The following SH3D19 variants were observed in gnomAD, a reference collection of about 807,000 sequenced individuals.
The protein encoded by SH3D19 is SH3 domain containing 19, also known as SH3 domain-containing protein 19.
Under a neutral mutation model 112.1 loss-of-function variants are expected in SH3D19, and 58 were observed. The observed-to-expected ratio is 0.52, with a 90% CI of 0.42 to 0.64. The LOEUF (loss-of-function observed/expected upper bound fraction) is 0.64. Among genes scored for constraint, SH3D19 ranks in the 30% least tolerant of loss-of-function variants. The probability of loss-of-function intolerance (pLI) is 0.00; values close to 1 mark genes in which losing one functional copy is unlikely to be tolerated. For missense variants in SH3D19, 1,090 were observed against 1,263.4 expected (o/e 0.86, Z 2.08); for synonymous variants, 391 against 448.5 (o/e 0.87, Z 1.62).
chr4:151,144,070 T>C lies in SH3D19; in HGVS notation c.2083-20A>G. 1 of 1,597,392 alleles carries C rather than the reference T, an allele frequency of 6.3e-7. No homozygotes were observed. The highest frequency in any genetic ancestry group is 8.5e-7 in the Non-Finnish European group (1 of 1,174,028). On this transcript the variant is annotated intron_variant, in intron 11 of 19. Coordinates refer to ENST00000604030, the MANE Select transcript of SH3D19 (RefSeq NM_001378122.1). ...CCCACGCTGCAAGGTACAATACCAC[T>C]CTCTGAAGCAATTATTATTTAATAA...
At chr4:151,143,773 G>C in intron 12 of SH3D19, 137 bp downstream of exon 12, 1 of 951,404 alleles carries the variant, frequency 1.1e-6, no homozygotes, top group Non-Finnish European at 1.5e-6. Flanking sequence ...TCTAAAAGTA[G>C]AATAAATGCT....
In SH3D19 at chr4:151,306,224, T is replaced by C. The variant is rs1580456147; in HGVS notation, c.112+19017A>G. Among the ~76,000 whole-genome samples, 3 of 152,300 alleles carry C rather than the reference T, an allele frequency of 2.0e-5. No homozygotes were observed. The South Asian group carries it at 6.2e-4, about 32-fold the overall frequency. On this transcript the variant is annotated intron_variant, in intron 1 of 19. Transcript: ENST00000604030. ...ATGGTAGTTGCCACAAGAAACTACA[T>C]GTGTAATAAAATTCATAGAACTGTT...
At chr4:151,275,946 G>A (rs999332725) in intron 1 of SH3D19, among the ~76,000 whole-genome samples, 6 of 151,096 alleles carry the variant, frequency 4.0e-5, no homozygotes, top group Non-Finnish European at 8.9e-5. Flanking sequence ...GGGTTCAAGC[G>A]ATTCTCCTGC....
chr4:151,240,693 G>A (rs1770483315), intron 1 of SH3D19, among the ~76,000 whole-genome samples: 1 of 151,956 alleles, frequency 6.6e-6, no homozygotes, highest in African/African-American at 2.4e-5. Flanking sequence ...GCTGCTGGTA[G>A]GAATGTAAAA....
chr4:151,257,542 T>A (rs1346357940), intron 1 of SH3D19, among the ~76,000 whole-genome samples: 20 of 152,084 alleles, frequency 1.3e-4, no homozygotes, highest in Admixed American at 1.3e-3. Context: ...TATTAAAGGG[T>A]CTCAACAACT....
At chr4:151,156,257 T>G (rs955040302) in intron 9 of SH3D19, among the ~76,000 whole-genome samples, 2 of 151,862 alleles carry the variant, frequency 1.3e-5, no homozygotes, top group African/African-American at 4.8e-5. Context: ...CCCAAAGAAA[T>G]CTACAGATTC....
chr4:151,177,283 G>T (rs1004391026), intron 4 of SH3D19, among the ~76,000 whole-genome samples: 2 of 152,150 alleles, frequency 1.3e-5, no homozygotes, highest in Non-Finnish European at 2.9e-5. Flanking sequence ...CTAGCCTTAG[G>T]GCAAACATAC....
At chr4:151,212,704 A>G (rs1011830474) in intron 2 of SH3D19, among the ~76,000 whole-genome samples, 1 of 152,240 alleles carries the variant, frequency 6.6e-6, no homozygotes, top group African/African-American at 2.4e-5. Context: ...ATGTCTGCTG[A>G]CACAACATCC....
At chr4:151,228,195 T>C (rs59944801) in intron 1 of SH3D19, among the ~76,000 whole-genome samples, 12,038 of 152,192 alleles carry the variant, frequency 0.079, 618 homozygotes, top group East Asian at 0.19. Context: ...TTTAAAATTT[T>C]CCCCCCAAAT....
intron 2 of SH3D19, among the ~76,000 whole-genome samples, chr4:151,224,733 G>C (rs1768707865): frequency 6.6e-6 from 1 of 152,116 alleles, no homozygotes; most frequent in South Asian, 2.1e-4. Context: ...ACAGAGATGA[G>C]ACAGTGTTTT....
At chr4:151,322,242 G>A (rs1358161292) in intron 1 of SH3D19, among the ~76,000 whole-genome samples, 4 of 151,830 alleles carry the variant, frequency 2.6e-5, no homozygotes, top group Non-Finnish European at 4.4e-5. Flanking sequence ...AGATCACCCT[G>A]GCCAACATGG....
At chr4:151,284,860 C>T (rs1774589362) in intron 1 of SH3D19, among the ~76,000 whole-genome samples, 1 of 152,146 alleles carries the variant, frequency 6.6e-6, no homozygotes, top group Admixed American at 6.5e-5. Flanking sequence ...TGGAGTCTAA[C>T]CTGCACATGT....
At chr4:151,307,970 G>C (rs1729083732) in intron 1 of SH3D19, among the ~76,000 whole-genome samples, 1 of 152,108 alleles carries the variant, frequency 6.6e-6, no homozygotes, top group African/African-American at 2.4e-5. Context: ...GAGTGCAATG[G>C]TGCGATCTCA....
intron 1 of SH3D19, among the ~76,000 whole-genome samples, chr4:151,296,002 C>T (rs1775678954): frequency 6.9e-6 from 1 of 145,782 alleles, no homozygotes. Flanking sequence ...TACCACTGCA[C>T]TCCAGCCTGG....
rs1185761689 is a variant in SH3D19, at chr4:151,120,900, T to C, written c.*1191A>G. On this transcript the variant is annotated 3_prime_UTR_variant, in exon 20 of 20. Transcript: ENST00000604030. ...CTATTCCATTGATCTGTTTGGATGATTGTCTTCAACCTATTTGGCTCTAGC... is the reference window on the plus strand; with the variant it reads ...CTATTCCATTGATCTGTTTGGATGACTGTCTTCAACCTATTTGGCTCTAGC... 1 of 152,696 alleles carries C rather than the reference T, an allele frequency of 6.5e-6. No individual in the cohort carries two copies. Among genetic ancestry groups the C allele is most frequent in the African/African-American group, 2.4e-5 (1 of 41,476 alleles). The allele number at this position is 152,696 out of a possible 1,614,324, so 9.5% of individuals were successfully genotyped here.
At chr4:151,277,293 C>A in intron 1 of SH3D19, 1 of 1,229,852 alleles carries the variant, frequency 8.1e-7, no homozygotes. Flanking sequence ...TCACATAGAA[C>A]AATGTGACAC....
At chr4:151,265,574 T>TC (rs1561413426) in intron 1 of SH3D19, among the ~76,000 whole-genome samples, 1 of 82,530 alleles carries the variant, frequency 1.2e-5, no homozygotes, top group East Asian at 3.7e-4. Context: ...CTTTTCTTTT[T>TC]TTTTTTTTTT....
At chr4:151,224,167 G>A (rs1054229704) in intron 2 of SH3D19, among the ~76,000 whole-genome samples, 5 of 152,180 alleles carry the variant, frequency 3.3e-5, no homozygotes, top group Non-Finnish European at 5.9e-5. Flanking sequence ...AAATTAGCCA[G>A]GCATGGTGGC....
At chr4:151,282,173 G>C in intron 1 of SH3D19, 4 of 1,613,864 alleles carry the variant, frequency 2.5e-6, no homozygotes, top group South Asian at 2.2e-5. Flanking sequence ...TTCATATACT[G>C]TGTGGCTAGG....
Sources: gnomAD v4.1 joint callset for allele counts (sites outside exome capture counted in the v4.1 genomes callset) on GRCh38, gnomAD v4.1.1 for gene constraint, MANE v1.5 for transcripts, NCBI Gene and HGNC (gene_info 2026-07-23, HGNC 2026-07-21) for gene names.